Variants in PCDHAC2 observed in about 807,000 individuals in gnomAD.
PCDHAC2 encodes the protein protocadherin alpha subfamily C, 2, also known as protocadherin alpha-C2.
A neutral mutation model predicts 63.3 loss-of-function variants in PCDHAC2; 24 were observed. The observed-to-expected ratio is 0.38, with a 90% confidence interval of 0.27 to 0.53. The LOEUF is 0.53. Ranked by LOEUF, PCDHAC2 falls within the 20% of genes least tolerant of loss-of-function variation. The pLI, the probability that PCDHAC2 is intolerant of heterozygous loss-of-function variation, is 0.81. For synonymous variants in PCDHAC2, 569 were observed against 529.4 expected (o/e 1.07, Z -1.03); for missense variants, 1,181 against 1,275.2 (o/e 0.93, Z 1.12).
Position 140,967,765 on chromosome 5 carries a change from C to A in PCDHAC2, c.999C>A (p.Ile333=). The A allele has an allele frequency of 6.2e-7, 1 of 1,614,234 alleles. No individual in the cohort carries two copies. Among genetic ancestry groups the A allele is most frequent in the Non-Finnish European group, 8.5e-7 (1 of 1,180,044 alleles). The change falls in exon 1 of 4, where the codon ATC becomes ATA. Residue 333 remains isoleucine (I), a synonymous_variant. Transcript: ENST00000289269. ...LDYEEASSYQ[I]YVQATDRGPV... is the part of the protein sequence containing the mutation. ...ATGAGGAAGCCTCCTCCTACCAGATCTATGTGCAGGCGACTGACCGGGGTC... is the reference window on the plus strand; with the variant it reads ...ATGAGGAAGCCTCCTCCTACCAGATATATGTGCAGGCGACTGACCGGGGTC...
At position 140,968,774 on chromosome 5, in the gene PCDHAC2, C is replaced by G; in HGVS notation, c.2008C>G (p.Leu670Val). 6.2e-7 allele frequency: 1 copy of G among 1,614,206 alleles called. No individual in the cohort carries two copies. Among genetic ancestry groups the G allele is most frequent in the Non-Finnish European group, 8.5e-7 (1 of 1,180,046 alleles). ...VVVRDNGEPS[L>V]SASVAITVAV... The stretch of plus-strand genomic sequence containing the variant: ...GGTCCGAGATAATGGAGAGCCATCA[C>G]TATCAGCCTCTGTGGCCATTACAGT... The change falls in exon 1 of 4, where the codon CTA (leucine) becomes GTA (valine). Residue 670 changes from leucine to valine, a missense_variant. Coordinates refer to ENST00000289269, the MANE Select transcript of PCDHAC2 (RefSeq NM_018899.6).
intron 3 of PCDHAC2, among the ~76,000 whole-genome samples, chr5:140,996,269 T>C (rs1183604392): frequency 6.6e-6 from 1 of 152,194 alleles, no homozygotes; most frequent in East Asian, 1.9e-4. Context: ...GAGCCTGGGA[T>C]TGCTGCCAAA....
In PCDHAC2 at chr5:141,010,048, C is replaced by T; in HGVS notation, c.*111C>T. 4 of 1,597,434 alleles carry T rather than the reference C, an allele frequency of 2.5e-6. No homozygotes were observed. The highest frequency in any genetic ancestry group is 3.4e-6 in the Non-Finnish European group (4 of 1,172,252). Reference sequence around the variant, plus strand: ...CTATCTACATGAGCCCTCTTAGAGACCTCAGAAATCTGCAGAAAGTTCCCT... The same window carrying T: ...CTATCTACATGAGCCCTCTTAGAGATCTCAGAAATCTGCAGAAAGTTCCCT... On this transcript the variant is annotated 3_prime_UTR_variant, in exon 4 of 4. Coordinates refer to ENST00000289269, the MANE Select transcript of PCDHAC2 (RefSeq NM_018899.6).
chr5:141,001,069 C>T (rs1422093659), intron 3 of PCDHAC2, among the ~76,000 whole-genome samples: 15 of 152,106 alleles, frequency 9.9e-5, no homozygotes, highest in African/African-American at 3.1e-4. Flanking sequence ...AAATTAAATA[C>T]ATGCAAAATA....
intron 3 of PCDHAC2, among the ~76,000 whole-genome samples, chr5:140,988,219 G>C (rs976112285): frequency 1.3e-5 from 2 of 152,132 alleles, no homozygotes; most frequent in African/African-American, 2.4e-5. Flanking sequence ...AAAAAAATGA[G>C]ATCAGGGATC....
intron 3 of PCDHAC2, among the ~76,000 whole-genome samples, chr5:140,990,310 C>A (rs1371432693): frequency 3.9e-5 from 6 of 152,110 alleles, no homozygotes; most frequent in African/African-American, 1.2e-4. Context: ...CTGTAAAAAA[C>A]CAACCAAACA....
chr5:140,969,587 T>G, intron 1 of PCDHAC2: 1 of 850,882 alleles, frequency 1.2e-6, no homozygotes, highest in Non-Finnish European at 1.8e-6. Context: ...AGGATTAGTC[T>G]TAATATTTAA....
intron 1 of PCDHAC2, among the ~76,000 whole-genome samples, chr5:140,971,680 A>C (rs185214999): frequency 1.1e-4 from 17 of 152,268 alleles, no homozygotes; most frequent in African/African-American, 4.1e-4. Context: ...AGAGTAAGGG[A>C]ATTTGTACTC....
At chr5:140,990,007 C>T (rs1188956345) in intron 3 of PCDHAC2, among the ~76,000 whole-genome samples, 2 of 151,870 alleles carry the variant, frequency 1.3e-5, no homozygotes, top group African/African-American at 2.4e-5. Flanking sequence ...TCTCCAAGGG[C>T]GTGGGCTAGG....
intron 3 of PCDHAC2, 65 bp downstream of exon 3, chr5:140,982,628 G>T: frequency 6.3e-7 from 1 of 1,578,118 alleles, no homozygotes; most frequent in Non-Finnish European, 8.6e-7. Flanking sequence ...ACCTACTTTT[G>T]TAAGATCAGG....
At chr5:141,006,216 A>T (rs6897376) in intron 3 of PCDHAC2, among the ~76,000 whole-genome samples, 45,154 of 145,800 alleles carry the variant, frequency 0.31, 6,982 homozygotes, top group East Asian at 0.44. Context: ...ATTTTTTTTT[A>T]AATTTTTTAT....
intron 3 of PCDHAC2, among the ~76,000 whole-genome samples, chr5:140,986,653 A>T (rs61089397): frequency 0.012 from 1,845 of 152,236 alleles, 43 homozygotes; most frequent in African/African-American, 0.043. Context: ...AGAGTGGGAG[A>T]TGCTCACAGT....
At chr5:141,006,382 T>A (rs2098271166) in intron 3 of PCDHAC2, among the ~76,000 whole-genome samples, 1 of 151,910 alleles carries the variant, frequency 6.6e-6, no homozygotes, top group African/African-American at 2.4e-5. Context: ...CGGCTAAGTT[T>A]TTTCTATTTT....
chr5:140,966,764 G>T lies in PCDHAC2; in HGVS notation c.-3G>T. The T allele has an allele frequency of 6.8e-7, 1 of 1,475,264 alleles. No individual in the cohort carries two copies. The highest frequency in any genetic ancestry group is 9.0e-7 in the Non-Finnish European group (1 of 1,115,322). 91.4% of individuals were successfully genotyped at this position (1,475,264 alleles called of 1,614,324 possible). ...CCGGCTGCCTCCGCCGCGGCCAGTG[G>T]CTATGGAGCAGGCGGGCACCAGACC... On this transcript the variant is annotated 5_prime_UTR_variant, in exon 1 of 4. Transcript: ENST00000289269.
intron 3 of PCDHAC2, among the ~76,000 whole-genome samples, chr5:141,006,608 G>A (rs2098279719): frequency 6.6e-6 from 1 of 152,200 alleles, no homozygotes; most frequent in African/African-American, 2.4e-5. Flanking sequence ...GAAGCAGACT[G>A]AATAAGGAGA....
At chr5:140,972,660 A>ATTTTTT (rs11350929) in intron 1 of PCDHAC2, among the ~76,000 whole-genome samples, 2 of 117,268 alleles carry the variant, frequency 1.7e-5, no homozygotes, top group African/African-American at 3.3e-5. Context: ...AAGAAACCAA[A>ATTTTTT]TTTTTTTTTT....
In PCDHAC2 at chr5:140,978,000, T is replaced by G. The variant is rs564788160; in HGVS notation, c.2566-949T>G. 2.0e-5 allele frequency among the ~76,000 whole-genome samples: 3 copies of G among 152,212 alleles called. No homozygotes were observed. In the South Asian group the frequency reaches 6.2e-4, roughly 32 times the overall value. On this transcript the variant is annotated intron_variant, in intron 1 of 3. Coordinates refer to ENST00000289269, the MANE Select transcript of PCDHAC2 (RefSeq NM_018899.6). ...AACGCATCTAGAGGAGTGTCACAAG[T>G]TTTTCACAGTGACATTTTTGCTTAC...
intron 3 of PCDHAC2, among the ~76,000 whole-genome samples, chr5:141,000,361 GTCTCTCTCTCTCTC>G (rs148596731): frequency 5.7e-4 from 15 of 26,444 alleles, no homozygotes; most frequent in African/African-American, 2.0e-3. Context: ...GTCTCTCTCT[GTCTCTCTCTCTCTC>G]TCTCTCTCTC....
intron 3 of PCDHAC2, among the ~76,000 whole-genome samples, chr5:140,987,520 G>T (rs1221115195): frequency 2.0e-5 from 3 of 152,106 alleles, no homozygotes; most frequent in Non-Finnish European, 4.4e-5. Context: ...CTCAGTAATT[G>T]TATGTTCCTG....
Sources: gnomAD v4.1 joint callset for allele counts (sites outside exome capture counted in the v4.1 genomes callset) on GRCh38, gnomAD v4.1.1 for gene constraint, MANE v1.5 for transcripts, NCBI Gene and HGNC (gene_info 2026-07-23, HGNC 2026-07-21) for gene names.